SHROOM2: variants seen among roughly 807,000 people sequenced by gnomAD.
SHROOM2 encodes protein Shroom2.
In SHROOM2, 33 loss-of-function variants were observed where a neutral mutation model predicts 75.9. The observed-to-expected ratio is 0.43, with a 90% CI of 0.33 to 0.58. SHROOM2 has a LOEUF of 0.58. Among genes scored for constraint, SHROOM2 ranks in the 20% least tolerant of loss-of-function variants. SHROOM2 has a pLI of 0.04. For missense variants in SHROOM2, 1,434 were observed against 1,461.2 expected, an observed-to-expected ratio of 0.98 and a Z score of 0.30; for synonymous variants, 655 against 663.6, an observed-to-expected ratio of 0.99 and a Z score of 0.20.
At chrX:9,875,521 A>G (rs957103734) in intron 2 of SHROOM2, among the ~76,000 whole-genome samples, 1 of 111,750 alleles carries the variant, frequency 8.9e-6, no homozygotes, top group Non-Finnish European at 1.9e-5. Flanking sequence ...AGAGACCCCA[A>G]AAACACTGGG....
intron 1 of SHROOM2, among the ~76,000 whole-genome samples, chrX:9,835,873 C>G (rs887467699): frequency 8.9e-6 from 1 of 111,917 alleles, no homozygotes; most frequent in Non-Finnish European, 1.9e-5. Context: ...TTGTGTGCCA[C>G]CACGCCCGGC....
intron 1 of SHROOM2, among the ~76,000 whole-genome samples, chrX:9,861,561 A>G (rs1217186290): frequency 8.9e-6 from 1 of 112,345 alleles, no homozygotes; most frequent in Non-Finnish European, 1.9e-5. Context: ...AGAGTGGAGC[A>G]GCATAGCCTA....
intron 1 of SHROOM2, among the ~76,000 whole-genome samples, chrX:9,824,492 G>A (rs1451604950): frequency 1.8e-5 from 2 of 111,972 alleles, no homozygotes; most frequent in Non-Finnish European, 3.8e-5. Flanking sequence ...TGGATTTCTA[G>A]TAAGAGAAGA....
chrX:9,823,756 C>CTTTTTTTTT (rs1293537759), intron 1 of SHROOM2, among the ~76,000 whole-genome samples: 24 of 85,877 alleles, frequency 2.8e-4, no homozygotes, highest in East Asian at 8.4e-4. Context: ...TTTCTTTTTT[C>CTTTTTTTTT]TTTTTTCTTT....
intron 3 of SHROOM2, among the ~76,000 whole-genome samples, chrX:9,893,951 CAA>C (rs560179883): frequency 3.8e-5 from 3 of 78,590 alleles, no homozygotes; most frequent in African/African-American, 4.4e-5. Flanking sequence ...GAGACTGTCT[CAA>C]AAAAAAAAAA....
intron 1 of SHROOM2, among the ~76,000 whole-genome samples, chrX:9,863,601 A>G (rs1569152774): frequency 3.2e-5 from 1 of 31,646 alleles, no homozygotes. Flanking sequence ...AGTGTTATTT[A>G]TTATTTTTTT....
intron 5 of SHROOM2, among the ~76,000 whole-genome samples, chrX:9,911,912 A>G (rs1022143518): frequency 2.7e-5 from 3 of 110,681 alleles, no homozygotes; most frequent in African/African-American, 6.6e-5. Flanking sequence ...AAGCTGTAAC[A>G]TCAGTGCAGT....
chrX:9,913,023 T>C (rs1285530619), intron 5 of SHROOM2: 5 of 112,568 alleles, frequency 4.4e-5, no homozygotes, highest in Non-Finnish European at 9.4e-5. Context: ...AGAGCCATCA[T>C]CTGCTCTGAT....
chrX:9,893,213 C>CCACCT (rs767052808), intron 3 of SHROOM2, among the ~76,000 whole-genome samples: 117 of 111,867 alleles, frequency 1.0e-3, no homozygotes, highest in Non-Finnish European at 1.1e-3. Flanking sequence ...AGCCATCTTC[C>CCACCT]CACCTCAGCC....
At chrX:9,919,673 G>A (rs1194167760) in intron 5 of SHROOM2, among the ~76,000 whole-genome samples, 2 of 110,622 alleles carry the variant, frequency 1.8e-5, no homozygotes, top group Non-Finnish European at 3.8e-5. Flanking sequence ...CTTCCTTGGG[G>A]AGGGTCCCAA....
At chrX:9,837,908 C>G (rs140097738) in intron 1 of SHROOM2, among the ~76,000 whole-genome samples, 1,979 of 110,974 alleles carry the variant, frequency 0.018, 45 homozygotes, top group African/African-American at 0.062. Context: ...AGCACCTGCC[C>G]CCATGTATGG....
In SHROOM2 at chrX:9,827,223, C is replaced by CTTTTTTTTTTTTTTTTTTTTTT. The variant is rs397953893; in HGVS notation, c.165+40530_165+40531insTTTTTTTTTTTTTTTTTTTTTT. Among the ~76,000 whole-genome samples the CTTTTTTTTTTTTTTTTTTTTTT allele has an allele frequency of 1.7e-4, 10 of 60,147 alleles. 1 individual carries two copies. Among genetic ancestry groups the CTTTTTTTTTTTTTTTTTTTTTT allele is most frequent in the African/African-American group, 4.5e-4 (6 of 13,327 alleles). 52.2% of individuals were successfully genotyped at this position (60,147 alleles called of 115,157 possible). On this transcript the variant is annotated intron_variant, in intron 1 of 9. Coordinates refer to ENST00000380913, the MANE Select transcript of SHROOM2 (RefSeq NM_001649.4). ...TGTTAGCCTTGACATTTTTCTTTTT[C>CTTTTTTTTTTTTTTTTTTTTTT]TTTTTTTTTTTTTTTTTGAGACAGG...
chrX:9,801,512 C>T (rs1290634537), intron 1 of SHROOM2, among the ~76,000 whole-genome samples: 2 of 111,883 alleles, frequency 1.8e-5, no homozygotes, highest in Non-Finnish European at 3.8e-5. Context: ...GTAGCTGGTT[C>T]AAATTGAGAT....
At chrX:9,857,317 T>C (rs2084076790) in intron 1 of SHROOM2, among the ~76,000 whole-genome samples, 1 of 111,696 alleles carries the variant, frequency 9.0e-6, no homozygotes, top group African/African-American at 3.3e-5. Flanking sequence ...TGGTTACACG[T>C]TTGACCCTTG....
chrX:9,789,289 C>T (rs913941397), intron 1 of SHROOM2, among the ~76,000 whole-genome samples: 13 of 111,535 alleles, frequency 1.2e-4, no homozygotes, highest in Non-Finnish European at 2.1e-4. Flanking sequence ...ATACCAACTT[C>T]AGAGGAGTAG....
chrX:9,868,578 C>G (rs912509437), intron 1 of SHROOM2, among the ~76,000 whole-genome samples: 4 of 109,718 alleles, frequency 3.6e-5, no homozygotes, highest in Non-Finnish European at 7.6e-5. Context: ...GGGTCTCGCT[C>G]TGTCACCCAG....
At chrX:9,849,876 A>C (rs760962341) in intron 1 of SHROOM2, among the ~76,000 whole-genome samples, 1 of 112,393 alleles carries the variant, frequency 8.9e-6, no homozygotes, top group Non-Finnish European at 1.9e-5. Context: ...GCAATTTAGC[A>C]AGGAATGGAT....
At chrX:9,869,250 C>T (rs1249108032) in intron 1 of SHROOM2, among the ~76,000 whole-genome samples, 1 of 112,794 alleles carries the variant, frequency 8.9e-6, no homozygotes, top group Non-Finnish European at 1.9e-5. Context: ...CATGAGCCAC[C>T]GCACCCAGCC....
intron 1 of SHROOM2, among the ~76,000 whole-genome samples, chrX:9,796,714 G>A (rs1193692995): frequency 1.8e-5 from 2 of 110,539 alleles, no homozygotes; most frequent in African/African-American, 3.3e-5. Context: ...GTGTGATCAC[G>A]GTTCACTGCA....
Sources: gnomAD v4.1 joint callset for allele counts (sites outside exome capture counted in the v4.1 genomes callset) on GRCh38, gnomAD v4.1.1 for gene constraint, MANE v1.5 for transcripts, NCBI Gene and HGNC (gene_info 2026-07-23, HGNC 2026-07-21) for gene names.